The following DGKB variants were observed in gnomAD, a reference collection of about 807,000 sequenced individuals.
The protein encoded by DGKB is 90 kDa diacylglycerol kinase.
A neutral mutation model predicts 114.3 loss-of-function variants in DGKB; 67 were observed. The ratio of observed to expected loss-of-function variants is 0.59; its 90% CI spans 0.48 to 0.72. The LOEUF is 0.72. Ranked by LOEUF, DGKB falls within the 30% of genes least tolerant of loss-of-function variation. The pLI is 0.00. For missense variants in DGKB, 907 were observed against 975.2 expected (o/e 0.93, Z 0.93); for synonymous variants, 398 against 323.1 (o/e 1.23, Z -2.49).
chr7:14,571,188 G>A (rs1472465720), intron 20 of DGKB, among the ~76,000 whole-genome samples: 2 of 152,198 alleles, frequency 1.3e-5, no homozygotes, highest in Non-Finnish European at 1.5e-5. Flanking sequence ...AAACTACTGA[G>A]CCTCAGATAA....
chr7:14,222,555 C>G (rs1790161865), intron 23 of DGKB, among the ~76,000 whole-genome samples: 1 of 151,158 alleles, frequency 6.6e-6, no homozygotes, highest in African/African-American at 2.4e-5. Context: ...TCGGTCTATC[C>G]TGGAGAATGT....
intron 1 of DGKB, among the ~76,000 whole-genome samples, chr7:14,891,174 T>G (rs1358661637): frequency 6.6e-6 from 1 of 151,376 alleles, no homozygotes; most frequent in Non-Finnish European, 1.5e-5. Flanking sequence ...ACCAAGTAGA[T>G]GCGCGAAACC....
intron 23 of DGKB, among the ~76,000 whole-genome samples, chr7:14,223,952 C>CT (rs1354779162): frequency 6.6e-6 from 1 of 151,336 alleles, no homozygotes; most frequent in Non-Finnish European, 1.5e-5. Context: ...TTTCCAGGTC[C>CT]TTTTTTCCAG....
intron 23 of DGKB, among the ~76,000 whole-genome samples, chr7:14,254,733 CTGTT>C (rs536603456): frequency 6.4e-4 from 98 of 152,240 alleles, no homozygotes; most frequent in South Asian, 6.0e-3. Flanking sequence ...AATTGTGTCT[CTGTT>C]TGTTTTCCTC....
chr7:14,639,396 A>G (rs1811322533), intron 13 of DGKB, among the ~76,000 whole-genome samples: 2 of 152,224 alleles, frequency 1.3e-5, no homozygotes, highest in Non-Finnish European at 2.9e-5. Context: ...AACAGATTAT[A>G]CTTGGAAAGG....
At chr7:14,848,443 T>C (rs1386450797) in intron 1 of DGKB, among the ~76,000 whole-genome samples, 1 of 152,194 alleles carries the variant, frequency 6.6e-6, no homozygotes, top group Non-Finnish European at 1.5e-5. Flanking sequence ...TTATCATATA[T>C]CTGAATTGAA....
chr7:14,915,103 A>C (rs1784178182), intron 1 of DGKB, among the ~76,000 whole-genome samples: 1 of 152,240 alleles, frequency 6.6e-6, no homozygotes, highest in Non-Finnish European at 1.5e-5. Context: ...ATGGTGGCTC[A>C]CACCTGTGAT....
intron 23 of DGKB, among the ~76,000 whole-genome samples, chr7:14,189,313 A>C (rs1191076555): frequency 2.0e-5 from 3 of 152,156 alleles, no homozygotes; most frequent in African/African-American, 4.8e-5. Context: ...AATTTTATGC[A>C]ACCAAAGTTA....
At chr7:14,828,567 G>C (rs1328384057) in intron 2 of DGKB, among the ~76,000 whole-genome samples, 3 of 151,908 alleles carry the variant, frequency 2.0e-5, no homozygotes, top group Non-Finnish European at 2.9e-5. Flanking sequence ...TACTATCTGA[G>C]AGAGTATTTA....
chr7:14,576,044 G>A (rs1020684831), intron 19 of DGKB, among the ~76,000 whole-genome samples: 6 of 152,044 alleles, frequency 3.9e-5, no homozygotes, highest in African/African-American at 4.8e-5. Flanking sequence ...GTAATTACTC[G>A]CTACTTAATA....
At chr7:14,971,961 G>A (rs1787498869) in intron 1 of DGKB, among the ~76,000 whole-genome samples, 1 of 152,042 alleles carries the variant, frequency 6.6e-6, no homozygotes, top group Non-Finnish European at 1.5e-5. Flanking sequence ...GGCCAGACTG[G>A]CCTTGAACTC....
At chr7:14,838,443 T>C (rs889319427) in intron 2 of DGKB, among the ~76,000 whole-genome samples, 2 of 152,210 alleles carry the variant, frequency 1.3e-5, no homozygotes, top group Non-Finnish European at 2.9e-5. Context: ...CAACATAACC[T>C]AAGCCAAACT....
chr7:14,666,239 T>C (rs1237347769), intron 13 of DGKB, among the ~76,000 whole-genome samples: 1 of 152,016 alleles, frequency 6.6e-6, no homozygotes, highest in Non-Finnish European at 1.5e-5. Context: ...CTTTTTTTGT[T>C]AAAATAGGGA....
intron 2 of DGKB, among the ~76,000 whole-genome samples, chr7:14,821,645 G>C (rs1203226808): frequency 6.6e-6 from 1 of 152,202 alleles, no homozygotes; most frequent in Non-Finnish European, 1.5e-5. Context: ...GTGGGCCAGA[G>C]AACATCCACA....
intron 5 of DGKB, among the ~76,000 whole-genome samples, chr7:14,732,472 C>A (rs915320421): frequency 2.0e-5 from 3 of 151,496 alleles, no homozygotes; most frequent in African/African-American, 7.3e-5. Flanking sequence ...GTTTCTGAGT[C>A]AAGGCTACTT....
At chr7:14,847,065 C>T (rs6461141) in intron 1 of DGKB, among the ~76,000 whole-genome samples, 15,398 of 151,932 alleles carry the variant, frequency 0.1, 1,431 homozygotes, top group East Asian at 0.3. Flanking sequence ...CCGAGGCGGG[C>T]GGATCACGAG....
At chr7:14,263,517 T>C (rs191856686) in intron 23 of DGKB, among the ~76,000 whole-genome samples, 2 of 152,312 alleles carry the variant, frequency 1.3e-5, no homozygotes, top group East Asian at 1.9e-4. Context: ...CATGACATGC[T>C]CTCCTTACAT....
At chr7:14,863,792 T>A (rs962869243) in intron 1 of DGKB, among the ~76,000 whole-genome samples, 1 of 151,262 alleles carries the variant, frequency 6.6e-6, no homozygotes, top group African/African-American at 2.4e-5. Context: ...TATGTTAAAT[T>A]AAAAAAAAAT....
intron 3 of DGKB, among the ~76,000 whole-genome samples, chr7:14,757,198 C>T (rs1354973078): frequency 3.3e-5 from 5 of 152,004 alleles, no homozygotes; most frequent in Admixed American, 2.6e-4. Context: ...AGGGGTAACT[C>T]CCTACCCCTA....
Sources: gnomAD v4.1 joint callset for allele counts (sites outside exome capture counted in the v4.1 genomes callset) on GRCh38, gnomAD v4.1.1 for gene constraint, MANE v1.5 for transcripts, NCBI Gene and HGNC (gene_info 2026-07-23, HGNC 2026-07-21) for gene names.